The following DESI2 variants were observed in gnomAD, a reference collection of about 807,000 sequenced individuals.
DESI2 encodes the protein desumoylating isopeptidase 2.
A neutral mutation model predicts 24.1 loss-of-function variants in DESI2; 10 were observed. The observed-to-expected ratio is 0.41, with a 90% CI of 0.26 to 0.70. DESI2 has a LOEUF of 0.70. Ranked by LOEUF, DESI2 falls within the 30% of genes least tolerant of loss-of-function variation. DESI2 has a pLI of 0.29. For synonymous variants in DESI2, 71 were observed against 87.7 expected (o/e 0.81, Z 1.06); for missense variants, 122 against 234.9 (o/e 0.52, Z 3.14).
At position 244,703,714 on chromosome 1, in the gene DESI2, AGTG is replaced by A. The variant is rs545179245; in HGVS notation, c.352-1838_352-1836del. Among the ~76,000 whole-genome samples, 15 of 149,270 alleles carry A rather than the reference AGTG, an allele frequency of 1.0e-4. No individual in the cohort carries two copies. The South Asian group carries it at 3.2e-3, about 32-fold the overall frequency. Reference sequence around the variant, plus strand: ...TGCTCTGTTGCCCCGGCTGGAGTGCAGTGGTGCGATCTCGGCTCACTGCAAGCT... The same window carrying A: ...TGCTCTGTTGCCCCGGCTGGAGTGCAGTGCGATCTCGGCTCACTGCAAGCT... On this transcript the variant is annotated intron_variant, in intron 4 of 4. Coordinates refer to ENST00000302550, the MANE Select transcript of DESI2 (RefSeq NM_016076.5).
intron 1 of DESI2, among the ~76,000 whole-genome samples, chr1:244,657,024 C>T (rs1329270449): frequency 1.3e-5 from 2 of 152,234 alleles, no homozygotes; most frequent in Non-Finnish European, 2.9e-5. Context: ...CCGCCCGCCT[C>T]AGCGTCCCAA....
At chr1:244,673,636 A>G (rs1470195682) in intron 1 of DESI2, among the ~76,000 whole-genome samples, 1 of 152,154 alleles carries the variant, frequency 6.6e-6, no homozygotes, top group African/African-American at 2.4e-5. Context: ...TTACTAGAAA[A>G]TGTTTTATGG....
At position 244,701,223 on chromosome 1, in the gene DESI2, C is replaced by A. The variant is rs1247741189; in HGVS notation, c.352-4333C>A. On this transcript the variant is annotated intron_variant, in intron 4 of 4. Transcript: ENST00000302550. ...GGACCACCTTCCCCTCCACCCCCCC[C>A]CCCCCCCCCCCGCCCTTTTAACTGC... 6.3e-4 allele frequency among the ~76,000 whole-genome samples: 51 copies of A among 80,546 alleles called. 6 individuals are homozygous for A. The highest frequency in any genetic ancestry group is 1.1e-3 in the Non-Finnish European group (43 of 39,324). 52.8% of individuals were successfully genotyped at this position (80,546 alleles called of 152,430 possible). A position where few individuals can be genotyped will look rare whatever the true frequency, so the allele number is the denominator to read the frequency against.
chr1:244,696,611 T>C (rs1279086757), intron 4 of DESI2, among the ~76,000 whole-genome samples: 5 of 152,148 alleles, frequency 3.3e-5, no homozygotes, highest in Non-Finnish European at 7.4e-5. Flanking sequence ...TAGGGCAAGA[T>C]AGATGCTTTC....
chr1:244,702,999 G>GTTTTT (rs1573235915), intron 4 of DESI2, among the ~76,000 whole-genome samples: 4 of 93,166 alleles, frequency 4.3e-5, no homozygotes, highest in East Asian at 3.1e-4. Flanking sequence ...GTTTGCCAGC[G>GTTTTT]CTTTTTTTTT....
chr1:244,677,281 T>C (rs1298447353), intron 1 of DESI2, among the ~76,000 whole-genome samples: 1 of 152,218 alleles, frequency 6.6e-6, no homozygotes, highest in African/African-American at 2.4e-5. Context: ...GAGTCAGTTT[T>C]GGTAGCTTGT....
intron 1 of DESI2, among the ~76,000 whole-genome samples, chr1:244,657,819 C>T (rs994190484): frequency 6.6e-6 from 1 of 152,216 alleles, no homozygotes; most frequent in South Asian, 2.1e-4. Context: ...GGGTCATTTT[C>T]TACATGCACC....
chr1:244,702,009 A>G (rs1677484294), intron 4 of DESI2, among the ~76,000 whole-genome samples: 1 of 152,236 alleles, frequency 6.6e-6, no homozygotes, highest in Admixed American at 6.5e-5. Flanking sequence ...TGGAGCTTAA[A>G]TGCAAAATTT....
intron 1 of DESI2, among the ~76,000 whole-genome samples, chr1:244,678,823 C>T (rs1466351939): frequency 2.6e-5 from 4 of 152,160 alleles, no homozygotes; most frequent in African/African-American, 4.8e-5. Flanking sequence ...CGCCTGCATC[C>T]GGAACAGAAA....
chr1:244,679,371 T>C (rs1286707001), intron 1 of DESI2, among the ~76,000 whole-genome samples: 1 of 152,234 alleles, frequency 6.6e-6, no homozygotes, highest in East Asian at 1.9e-4. Context: ...AAATTTTTTA[T>C]TGTGAAATTT....
At chr1:244,700,264 C>T (rs1259538776) in intron 4 of DESI2, among the ~76,000 whole-genome samples, 1 of 152,074 alleles carries the variant, frequency 6.6e-6, no homozygotes, top group Admixed American at 6.6e-5. Flanking sequence ...GACACAGTTC[C>T]CTAGTATTCT....
At chr1:244,703,349 ATTC>A (rs1242908156) in intron 4 of DESI2, among the ~76,000 whole-genome samples, 1 of 151,432 alleles carries the variant, frequency 6.6e-6, no homozygotes, top group Non-Finnish European at 1.5e-5. Context: ...GTTCATATAC[ATTC>A]TTTTTTGTTT....
intron 1 of DESI2, among the ~76,000 whole-genome samples, chr1:244,663,454 G>A (rs1675924562): frequency 1.3e-5 from 2 of 151,978 alleles, no homozygotes; most frequent in South Asian, 4.2e-4. Flanking sequence ...GGGATTACAG[G>A]CGTGAGCCAC....
chr1:244,686,523 C>A, intron 1 of DESI2, 74 bp from the exon 2 acceptor site: 1 of 890,652 alleles, frequency 1.1e-6, no homozygotes, highest in South Asian at 1.4e-5. Context: ...GACTGGGGAG[C>A]AGTCACTTCT....
chr1:244,678,312 G>A (rs1676484703), intron 1 of DESI2, among the ~76,000 whole-genome samples: 1 of 152,046 alleles, frequency 6.6e-6, no homozygotes, highest in Admixed American at 6.6e-5. Context: ...TTATTTTTTA[G>A]AATGTAAAAT....
At chr1:244,667,827 C>T (rs751525490) in intron 1 of DESI2, among the ~76,000 whole-genome samples, 7 of 152,236 alleles carry the variant, frequency 4.6e-5, no homozygotes, top group African/African-American at 7.2e-5. Flanking sequence ...CAGAGAGAAG[C>T]AGGCCTCCAG....
In DESI2 at chr1:244,679,899, T is replaced by C. The variant is rs528657271; in HGVS notation, c.43-6698T>C. On this transcript the variant is annotated intron_variant, in intron 1 of 4. Transcript: ENST00000302550. Reference sequence around the variant, plus strand: ...AAAAAAAAAAAAAAAAAAAAAGACATTTTCTACCTAACCATAGTGCTGTTA... The same window carrying C: ...AAAAAAAAAAAAAAAAAAAAAGACACTTTCTACCTAACCATAGTGCTGTTA... Among the ~76,000 whole-genome samples the C allele has an allele frequency of 5.5e-3, 804 of 146,906 alleles. 4 individuals carry two copies. Among genetic ancestry groups the C allele is most frequent in the Non-Finnish European group, 9.6e-3 (643 of 66,810 alleles).
intron 1 of DESI2, among the ~76,000 whole-genome samples, chr1:244,677,898 C>T (rs1415724732): frequency 4.6e-5 from 7 of 152,024 alleles, no homozygotes; most frequent in South Asian, 2.1e-4. Context: ...CCAGCCTAGG[C>T]GACAGAGTGA....
intron 4 of DESI2, among the ~76,000 whole-genome samples, chr1:244,699,879 A>T (rs914255072): frequency 6.6e-6 from 1 of 152,178 alleles, no homozygotes; most frequent in African/African-American, 2.4e-5. Flanking sequence ...AGCACTTTGA[A>T]TTCAAACAGC....
Sources: gnomAD v4.1 joint callset for allele counts (sites outside exome capture counted in the v4.1 genomes callset) on GRCh38, gnomAD v4.1.1 for gene constraint, MANE v1.5 for transcripts, NCBI Gene and HGNC (gene_info 2026-07-23, HGNC 2026-07-21) for gene names.